The following LRMDA variants were observed in gnomAD, a reference collection of about 807,000 sequenced individuals.
The protein encoded by LRMDA is leucine-rich melanocyte differentiation-associated protein.
Under a neutral mutation model 29.8 loss-of-function variants are expected in LRMDA, and 18 were observed. The observed-to-expected ratio is 0.60, with a 90% CI of 0.42 to 0.90. The LOEUF (loss-of-function observed/expected upper bound fraction) is 0.90, where lower values mean the gene tolerates loss of function less well. LRMDA is among the 40% of genes least tolerant of loss of function. The pLI, the probability that LRMDA is intolerant of heterozygous loss-of-function variation, is 0.00. For missense variants in LRMDA, 273 were observed against 273.9 expected (o/e 1.00, Z 0.02); for synonymous variants, 125 against 109.4 (o/e 1.14, Z -0.89).
intron 2 of LRMDA, among the ~76,000 whole-genome samples, chr10:75,668,007 T>C (rs1438967025): frequency 6.6e-6 from 1 of 152,236 alleles, no homozygotes; most frequent in East Asian, 1.9e-4. Flanking sequence ...ATTCCTTTGG[T>C]TAATTCCAAA....
intron 5 of LRMDA, among the ~76,000 whole-genome samples, chr10:76,089,517 C>T (rs1053597527): frequency 6.6e-6 from 1 of 152,214 alleles, no homozygotes; most frequent in Non-Finnish European, 1.5e-5. Context: ...GGCTTGGAAT[C>T]ATGGCTCTGT....
chr10:75,565,236 T>C (rs1413014424), intron 2 of LRMDA, among the ~76,000 whole-genome samples: 2 of 152,222 alleles, frequency 1.3e-5, no homozygotes, highest in African/African-American at 4.8e-5. Flanking sequence ...AATGGTTTTG[T>C]TTCCTAGGTT....
chr10:76,324,249 C>G, intron 5 of LRMDA, 152 bp from the exon 6 acceptor site: 1 of 719,072 alleles, frequency 1.4e-6, no homozygotes, highest in Non-Finnish European at 2.4e-6. Flanking sequence ...AGAATATTAT[C>G]TCAACAAAAA....
chr10:75,929,309 G>T (rs1357332436), intron 2 of LRMDA, among the ~76,000 whole-genome samples: 2 of 152,152 alleles, frequency 1.3e-5, no homozygotes, highest in Admixed American at 6.5e-5. Flanking sequence ...GTGTGTGTGT[G>T]TGTGTAAATG....
chr10:75,622,550 A>G (rs1305525297), intron 2 of LRMDA, among the ~76,000 whole-genome samples: 1 of 152,172 alleles, frequency 6.6e-6, no homozygotes. Flanking sequence ...GAGTAATGAG[A>G]ATAAACAACT....
chr10:76,114,518 G>T (rs2132117200), intron 5 of LRMDA, among the ~76,000 whole-genome samples: 1 of 152,298 alleles, frequency 6.6e-6, no homozygotes. Context: ...AGGGGTAGTG[G>T]TGGGGGCACC....
chr10:76,529,023 GC>G (rs1843207079), intron 6 of LRMDA, among the ~76,000 whole-genome samples: 1 of 152,240 alleles, frequency 6.6e-6, no homozygotes, highest in African/African-American at 2.4e-5. Flanking sequence ...TAATAACTCT[GC>G]CATTCAACAG....
rs192360810 is a variant in LRMDA, at chr10:76,510,643, C to T, written c.602-46566C>T. On this transcript the variant is annotated intron_variant, in intron 6 of 6. Transcript: ENST00000611255. ...GGGGATCACTTCTTCACTTGTACAG[C>T]GAACAAGATGAATTAGATAATTGTA... Among the ~76,000 whole-genome samples, 9 of 152,256 alleles carry T rather than the reference C, an allele frequency of 5.9e-5. No individual in the cohort carries two copies. In the South Asian group the frequency reaches 1.2e-3, roughly 21 times the overall value.
intron 2 of LRMDA, among the ~76,000 whole-genome samples, chr10:75,806,828 C>A (rs1190941354): frequency 3.2e-4 from 44 of 138,180 alleles, no homozygotes; most frequent in African/African-American, 1.1e-3. Flanking sequence ...AAAAAAAAAA[C>A]CACACACAAA....
At chr10:76,055,063 C>CAAAAAAAAAAA (rs531729040) in intron 4 of LRMDA, among the ~76,000 whole-genome samples, 292 of 45,888 alleles carry the variant, frequency 6.4e-3, no homozygotes, top group Middle Eastern at 0.023. Flanking sequence ...GACTCCATCT[C>CAAAAAAAAAAA]AAAAAAAAAA....
intron 5 of LRMDA, among the ~76,000 whole-genome samples, chr10:76,288,407 A>G (rs536523694): frequency 6.6e-6 from 1 of 152,206 alleles, no homozygotes; most frequent in Admixed American, 6.5e-5. Flanking sequence ...TCAACAGTAG[A>G]CTGGATAAAG....
At chr10:76,422,186 C>T (rs1842078436) in intron 6 of LRMDA, among the ~76,000 whole-genome samples, 1 of 152,032 alleles carries the variant, frequency 6.6e-6, no homozygotes, top group Admixed American at 6.6e-5. Context: ...GGTTCAGCTA[C>T]TCAGCCTCTT....
intron 6 of LRMDA, among the ~76,000 whole-genome samples, chr10:76,429,164 A>G (rs1842163508): frequency 6.6e-6 from 1 of 151,910 alleles, no homozygotes; most frequent in South Asian, 2.1e-4. Context: ...TGGAGAATTA[A>G]CAAAAAAAAA....
chr10:76,247,731 G>C (rs1852401345), intron 5 of LRMDA, among the ~76,000 whole-genome samples: 1 of 152,140 alleles, frequency 6.6e-6, no homozygotes, highest in African/African-American at 2.4e-5. Context: ...CTTGTGACTT[G>C]TTCTGGTCAG....
intron 5 of LRMDA, among the ~76,000 whole-genome samples, chr10:76,293,362 A>G (rs1209087224): frequency 6.6e-6 from 1 of 152,200 alleles, no homozygotes; most frequent in African/African-American, 2.4e-5. Flanking sequence ...CGAGAGGGTA[A>G]TGTTTGCCTT....
chr10:76,260,678 G>A (rs1343499855), intron 5 of LRMDA: 15 of 152,068 alleles, frequency 9.9e-5, no homozygotes, highest in Admixed American at 9.2e-4. Context: ...ACCTGTTTGG[G>A]GTGACTCTAT....
chr10:75,645,045 C>T (rs369318780), intron 2 of LRMDA, among the ~76,000 whole-genome samples: 16 of 151,114 alleles, frequency 1.1e-4, no homozygotes, highest in Admixed American at 2.0e-4. Flanking sequence ...TGCAATGGCA[C>T]GATCTCAGCT....
At chr10:75,746,075 C>T (rs1842887088) in intron 2 of LRMDA, among the ~76,000 whole-genome samples, 1 of 152,210 alleles carries the variant, frequency 6.6e-6, no homozygotes, top group South Asian at 2.1e-4. Context: ...CTGTGTTCAG[C>T]TTCTTTTCCT....
At chr10:76,417,396 A>G (rs1293557155) in intron 6 of LRMDA, among the ~76,000 whole-genome samples, 1 of 152,176 alleles carries the variant, frequency 6.6e-6, no homozygotes, top group Non-Finnish European at 1.5e-5. Flanking sequence ...TTTAAAGTGA[A>G]CTATGACGTA....
Sources: allele counts gnomAD v4.1 joint callset (sites outside exome capture counted in the v4.1 genomes callset), GRCh38; gene constraint gnomAD v4.1.1; transcripts MANE v1.5; gene names NCBI Gene and HGNC (gene_info 2026-07-23, HGNC 2026-07-21).